DNAI1: variants seen among roughly 807,000 people sequenced by gnomAD.
DNAI1 encodes the protein dynein, axonemal, intermediate polypeptide 1.
A neutral mutation model predicts 92.0 loss-of-function variants in DNAI1; 67 were observed. The observed-to-expected ratio is 0.73, with a 90% CI of 0.60 to 0.89. DNAI1 has a LOEUF of 0.89. Ranked by LOEUF, DNAI1 falls within the 40% of genes least tolerant of loss-of-function variation. The probability of loss-of-function intolerance (pLI) is 0.00; values close to 1 mark genes in which losing one functional copy is unlikely to be tolerated. For synonymous variants in DNAI1, 323 were observed against 319.6 expected, an observed-to-expected ratio of 1.01 and a Z score of -0.11; for missense variants, 839 against 866.6, an observed-to-expected ratio of 0.97 and a Z score of 0.40.
At chr9:34,460,763 A>G (rs142200791) in intron 1 of DNAI1, among the ~76,000 whole-genome samples, 41 of 152,132 alleles carry the variant, frequency 2.7e-4, no homozygotes, top group African/African-American at 9.4e-4. Context: ...CCCCGATTCA[A>G]GGGACCTGCC....
Position 34,493,225 on chromosome 9 carries a change from T to C in DNAI1, c.713T>C (p.Leu238Pro), listed in dbSNP as rs1436276246. The C allele has an allele frequency of 1.2e-6, 2 of 1,614,142 alleles. No homozygotes were observed. The highest frequency in any genetic ancestry group is 1.7e-6 in the Non-Finnish European group (2 of 1,180,022). ...ATCTATGATGCCTATGTAGAGGAACTTGAGAAGCAGGAAAAGACCAAAGAG... is the reference window on the plus strand; with the variant it reads ...ATCTATGATGCCTATGTAGAGGAACCTGAGAAGCAGGAAAAGACCAAAGAG... ...WEIYDAYVEE[L>P]EKQEKTKEKE... The change falls in exon 9 of 20, where the codon CTT becomes CCT. Residue 238 changes from leucine to proline, a missense_variant. Leu to Pro is a moderately conservative substitution (Grantham distance 98, BLOSUM62 -3). Transcript: ENST00000242317.
chr9:34,494,900 T>C (rs968188949), intron 9 of DNAI1, among the ~76,000 whole-genome samples: 3 of 152,206 alleles, frequency 2.0e-5, no homozygotes, highest in Non-Finnish European at 4.4e-5. Context: ...CCAGGCTGTC[T>C]GTGCAACACA....
At chr9:34,512,075 A>C (rs1409577398) in intron 13 of DNAI1, 34 bp from the exon 14 acceptor site, 3 of 1,604,338 alleles carry the variant, frequency 1.9e-6, no homozygotes, top group South Asian at 1.1e-5. Flanking sequence ...ACACTTTAGC[A>C]GGGTCCCAGA....
intron 18 of DNAI1, among the ~76,000 whole-genome samples, chr9:34,515,048 C>G (rs1825147536): frequency 6.6e-6 from 1 of 152,116 alleles, no homozygotes; most frequent in African/African-American, 2.4e-5. Flanking sequence ...CAGGGCCCGG[C>G]TCCATCTAAG....
chr9:34,463,822 G>A (rs1387875406), intron 1 of DNAI1, among the ~76,000 whole-genome samples: 5 of 152,180 alleles, frequency 3.3e-5, no homozygotes, highest in Non-Finnish European at 7.4e-5. Context: ...GGTGACTAAG[G>A]TAGGAGTGAG....
intron 12 of DNAI1, 50 bp from the exon 13 acceptor site, chr9:34,506,577 G>A: frequency 6.2e-7 from 1 of 1,613,032 alleles, no homozygotes; most frequent in Non-Finnish European, 8.5e-7. Context: ...GGCTTCTCCA[G>A]GCAGGGCAGT....
At chr9:34,497,759 G>A (rs1824754531) in intron 10 of DNAI1, among the ~76,000 whole-genome samples, 1 of 152,218 alleles carries the variant, frequency 6.6e-6, no homozygotes, top group Non-Finnish European at 1.5e-5. Flanking sequence ...AGATGCCAAG[G>A]GAGAAGCAGA....
intron 4 of DNAI1, 100 bp downstream of exon 4, chr9:34,485,617 G>A (rs1824455033): frequency 2.3e-5 from 27 of 1,177,846 alleles, no homozygotes; most frequent in Non-Finnish European, 3.2e-5. Context: ...CTAGAGGAGA[G>A]CACTTTTAAA....
intron 9 of DNAI1, 78 bp from the exon 10 acceptor site, chr9:34,497,037 C>G (rs2132068833): frequency 9.0e-7 from 1 of 1,108,166 alleles, no homozygotes; most frequent in Non-Finnish European, 1.4e-6. Context: ...GAATCAATTG[C>G]AAGGGTGACA....
chr9:34,463,786 T>C (rs1823990394), intron 1 of DNAI1, among the ~76,000 whole-genome samples: 2 of 152,192 alleles, frequency 1.3e-5, no homozygotes, highest in Admixed American at 1.3e-4. Context: ...GGTGCAATAC[T>C]TTTAGAAATA....
At chr9:34,479,899 C>T (rs1210538077) in intron 1 of DNAI1, among the ~76,000 whole-genome samples, 1 of 152,232 alleles carries the variant, frequency 6.6e-6, no homozygotes, top group Non-Finnish European at 1.5e-5. Flanking sequence ...TTCCACCCTC[C>T]AACCCTCTCC....
intron 1 of DNAI1, among the ~76,000 whole-genome samples, chr9:34,477,396 T>C (rs1362735371): frequency 6.6e-6 from 1 of 152,168 alleles, no homozygotes; most frequent in African/African-American, 2.4e-5. Context: ...ATTTGTAAAG[T>C]AGGAATAATG....
chr9:34,492,536 T>TATATATATATATATATA (rs1824631068), intron 8 of DNAI1, among the ~76,000 whole-genome samples: 1 of 52,220 alleles, frequency 1.9e-5, no homozygotes, highest in Non-Finnish European at 4.8e-5. Context: ...ATATATATAT[T>TATATATATATATATATA]TGAGACAAGG....
chr9:34,506,200 A>G (rs1371227688), intron 12 of DNAI1, among the ~76,000 whole-genome samples: 1 of 152,182 alleles, frequency 6.6e-6, no homozygotes, highest in Non-Finnish European at 1.5e-5. Context: ...GTTCAAGCTT[A>G]GCCCATATTT....
chr9:34,502,375 C>G, intron 12 of DNAI1, among the ~76,000 whole-genome samples: 1 of 152,170 alleles, frequency 6.6e-6, no homozygotes, highest in East Asian at 1.9e-4. Context: ...GGGCCTGGAA[C>G]AGGGCCTGGG....
chr9:34,485,051 C>A, intron 2 of DNAI1, 91 bp from the exon 3 acceptor site: 1 of 1,278,164 alleles, frequency 7.8e-7, no homozygotes, highest in Non-Finnish European at 1.1e-6. Context: ...CAGAGCTTGG[C>A]TTCTGGGAGT....
intron 12 of DNAI1, among the ~76,000 whole-genome samples, chr9:34,501,489 C>T (rs1410400924): frequency 6.6e-6 from 1 of 152,230 alleles, no homozygotes; most frequent in African/African-American, 2.4e-5. Context: ...GAATATGAAG[C>T]TGCTGGGGGG....
chr9:34,477,904 GTCTCTC>G (rs753773420), intron 1 of DNAI1, among the ~76,000 whole-genome samples: 4 of 102,150 alleles, frequency 3.9e-5, no homozygotes, highest in Non-Finnish European at 5.8e-5. Flanking sequence ...CCAAGACCCT[GTCTCTC>G]TCTCTCTCTC....
intron 18 of DNAI1, 77 bp downstream of exon 18, chr9:34,514,816 A>T: frequency 6.8e-7 from 1 of 1,467,420 alleles, no homozygotes; most frequent in Non-Finnish European, 9.5e-7. Flanking sequence ...CCTGATGGAG[A>T]ACCCATCCCA....
Sources: gnomAD v4.1 joint callset for allele counts (sites outside exome capture counted in the v4.1 genomes callset) on GRCh38, gnomAD v4.1.1 for gene constraint, MANE v1.5 for transcripts, NCBI Gene and HGNC (gene_info 2026-07-23, HGNC 2026-07-21) for gene names.